CER1: variants seen among roughly 807,000 people sequenced by gnomAD.
CER1 encodes cerberus.
In CER1, 10 loss-of-function variants were observed where a neutral mutation model predicts 11.8. The observed-to-expected ratio is 0.85, with a 90% CI of 0.52 to 1.44. CER1 has a LOEUF of 1.44. Among genes scored for constraint, CER1 ranks in the 40% most tolerant of loss-of-function variants. The pLI is 0.00. For synonymous variants in CER1, 141 were observed against 122.3 expected, an observed-to-expected ratio of 1.15 and a Z score of -1.01; for missense variants, 431 against 327.0, an observed-to-expected ratio of 1.32 and a Z score of -2.45.
chr9:14,720,348 C>A lies in CER1; in HGVS notation c.546G>T (p.Gln182His), dbSNP rs372214721. ...THEGCEKVVV[Q>H]NNLCFGKCGS... is the part of the protein sequence containing the mutation. ...CGCATTTCCCAAAGCAAAGGTTGTT[C>A]TGAACAACTACTTTTTCACAGCCTT... is the stretch of plus-strand genomic sequence containing the variant. Residue 182 changes from glutamine (Q) to histidine (H), a missense_variant, in exon 2 of 2, where the codon CAG becomes CAT. Physicochemically the swap from Gln to His is conservative, Grantham distance 24. Transcript: ENST00000380911. The A allele has an allele frequency of 8.7e-6, 14 of 1,613,430 alleles. No homozygotes were observed. In the African/African-American group the frequency reaches 1.3e-4, roughly 15 times the overall value.
downstream of CER1, among the ~76,000 whole-genome samples, chr9:14,719,399 A>C (rs1839972860): frequency 6.6e-6 from 1 of 152,218 alleles, no homozygotes; most frequent in Non-Finnish European, 1.5e-5. Context: ...GTTACTCCTT[A>C]CATCTGTGGA....
Position 14,722,644 on chromosome 9 carries a change from A to G in CER1, c.29T>C (p.Val10Ala). The change falls in exon 1 of 2, where the codon GTA becomes GCA. Residue 10 changes from valine to alanine, a missense_variant. Coordinates refer to ENST00000380911, the MANE Select transcript of CER1 (RefSeq NM_005454.3). Reference sequence around the variant, plus strand: ...TGTGGTCTTTCCTAGAGGCAGGAGTACCAGCAGCTGAAATAAGAGGAGATG... The same window carrying G: ...TGTGGTCTTTCCTAGAGGCAGGAGTGCCAGCAGCTGAAATAAGAGGAGATG... MHLLLFQLL[V>A]LLPLGKTTRH... The G allele has an allele frequency of 6.2e-7, 1 of 1,602,838 alleles. No individual in the cohort carries two copies. The highest frequency in any genetic ancestry group is 8.5e-7 in the Non-Finnish European group (1 of 1,179,796).
In CER1 at chr9:14,721,034, A is replaced by G. The variant is rs2131790881; in HGVS notation, c.508-648T>C. Among the ~76,000 whole-genome samples, 3 of 152,354 alleles carry G rather than the reference A, an allele frequency of 2.0e-5. No homozygotes were observed. The South Asian group carries it at 6.2e-4, about 32-fold the overall frequency. On this transcript the variant is annotated intron_variant, in intron 1 of 1. Coordinates refer to ENST00000380911, the MANE Select transcript of CER1 (RefSeq NM_005454.3). ...AATTTAATTAGCAATAGAATTCAAAAGAAGAATTTCAAAAGAAATTTGATT... is the reference window on the plus strand; with the variant it reads ...AATTTAATTAGCAATAGAATTCAAAGGAAGAATTTCAAAAGAAATTTGATT...
downstream of CER1, among the ~76,000 whole-genome samples, chr9:14,718,062 T>G (rs1237613731): frequency 6.6e-6 from 1 of 152,186 alleles, no homozygotes; most frequent in African/African-American, 2.4e-5. Context: ...TAAAAATGAT[T>G]GAATATGAGC....
chr9:14,722,073 G>C (rs1381785550), intron 1 of CER1, 93 bp downstream of exon 1: 10 of 1,401,088 alleles, frequency 7.1e-6, no homozygotes, highest in Non-Finnish European at 9.7e-6. Context: ...GCTAGAGTCA[G>C]GCTCCTGACA....
At chr9:14,718,576 T>C (rs1200986329), downstream of CER1, among the ~76,000 whole-genome samples, 2 of 152,084 alleles carry the variant, frequency 1.3e-5, no homozygotes, top group African/African-American at 2.4e-5. Flanking sequence ...TTAGATGGTG[T>C]GATTAAAGAG....
At chr9:14,719,553 G>GCATT (rs1252679801), downstream of CER1, among the ~76,000 whole-genome samples, 1,137 of 124,558 alleles carry the variant, frequency 9.1e-3, 18 homozygotes, top group East Asian at 0.016. Flanking sequence ...CTGCCTGCCT[G>GCATT]CCTGCCTGCC....
chr9:14,717,612 C>T (rs908132859), downstream of CER1, among the ~76,000 whole-genome samples: 7 of 152,178 alleles, frequency 4.6e-5, no homozygotes, highest in Middle Eastern at 3.4e-3. Flanking sequence ...TGAGGACCAA[C>T]GGAGTCAAGG....
In CER1 at chr9:14,720,288, G is replaced by C. The variant is rs780114954; in HGVS notation, c.606C>G (p.Ser202=). 1 of 1,613,960 alleles carries C rather than the reference G, an allele frequency of 6.2e-7. No individual in the cohort carries two copies. Among genetic ancestry groups the C allele is most frequent in the Non-Finnish European group, 8.5e-7 (1 of 1,180,034 alleles). ...SVHFPGAAQH[S]HTSCSHCLPA... ...GCAAACAGTGAGAGCAGGAGGTATG[G>C]GAGTGCTGCGCGGCTCCAGGAAAAT... The change falls in exon 2 of 2, where the codon TCC becomes TCG. Residue 202 remains serine (S), a synonymous_variant. Transcript: ENST00000380911.
rs148175446 is a variant in CER1, at chr9:14,722,217, G to C, written c.456C>G (p.Ile152Met). 6 of 1,614,226 alleles carry C rather than the reference G, an allele frequency of 3.7e-6. No homozygotes were observed. Among genetic ancestry groups the C allele is most frequent in the Non-Finnish European group, 5.1e-6 (6 of 1,180,044 alleles). The change falls in exon 1 of 2, where the codon ATC (isoleucine) becomes ATG (methionine). Residue 152 changes from isoleucine (I) to methionine (M), a missense_variant. Physicochemically the swap from Ile to Met is conservative, Grantham distance 10 (BLOSUM62 1). Coordinates refer to ENST00000380911, the MANE Select transcript of CER1 (RefSeq NM_005454.3). Reference sequence around the variant, plus strand: ...TCTCCCAATGTACTTCATGGCTTTTGATGGGCAAGATGACCCCCTGAGAAG... The same window carrying C: ...TCTCCCAATGTACTTCATGGCTTTTCATGGGCAAGATGACCCCCTGAGAAG... ...TPASQGVILP[I>M]KSHEVHWETC...
chr9:14,719,599 CTTCCTTCCTTCCTTCCTTCT>C (rs1563780056), downstream of CER1: 6 of 121,126 alleles, frequency 5.0e-5, no homozygotes, highest in African/African-American at 9.4e-5. Context: ...TCCTTCCTTC[CTTCCTTCCTTCCTTCCTTCT>C]TTCCTTCCTT....
rs1192898657 is a variant in CER1 at position 14,722,497 on chromosome 9, G to A, written c.176C>T (p.Ala59Val). 1 of 1,614,080 alleles carries A rather than the reference G, an allele frequency of 6.2e-7. No homozygotes were observed. Among genetic ancestry groups the A allele is most frequent in the African/African-American group, 1.3e-5 (1 of 74,918 alleles). The change falls in exon 1 of 2, where the codon GCA (alanine) becomes GTA (valine). Residue 59 changes from alanine (A) to valine (V), a missense_variant. Ala to Val is a moderately conservative substitution (Grantham distance 64). Coordinates refer to ENST00000380911, the MANE Select transcript of CER1 (RefSeq NM_005454.3). ...GCTGGTGGCTACAAGGTGTGGCACT[G>A]CGACAAACAGATCTGGCTTCTCCTC... ...EAEEKPDLFVAVPHLVATSPA... is the reference protein window; with the variant it reads ...EAEEKPDLFVVVPHLVATSPA...
chr9:14,720,160 G>A lies in CER1; in HGVS notation c.734C>T (p.Thr245Met), dbSNP rs75590551. The A allele has an allele frequency of 3.6e-4, 577 of 1,614,094 alleles. 1 individual carries two copies. The African/African-American group carries it at 6.4e-3, about 18-fold the overall frequency. ...TAGGATGTGTCCATCTTCATGCTCCGTCTTCACCTTGCACTGGCACTCCTC... is the reference window on the plus strand; with the variant it reads ...TAGGATGTGTCCATCTTCATGCTCCATCTTCACCTTGCACTGGCACTCCTC... ...LVEECQCKVK[T>M]EHEDGHILHA... The change falls in exon 2 of 2, where the codon ACG (threonine) becomes ATG (methionine). Residue 245 changes from threonine to methionine, a missense_variant. Physicochemically the swap from Thr to Met is moderately conservative, Grantham distance 81. Coordinates refer to ENST00000380911, the MANE Select transcript of CER1 (RefSeq NM_005454.3).
Position 14,722,020 on chromosome 9 carries a change from C to T in CER1, c.507+146G>A, listed in dbSNP as rs1244617580. The T allele has an allele frequency of 5.4e-6, 5 of 928,196 alleles. No individual in the cohort carries two copies. The Admixed American group carries it at 8.1e-5, about 15-fold the overall frequency. The allele number at this position is 928,196 out of a possible 1,614,324, so 57.5% of individuals were successfully genotyped here. A position where few individuals can be genotyped will look rare whatever the true frequency, so the allele number is the denominator to read the frequency against. On this transcript the variant is annotated intron_variant, in intron 1 of 1. Coordinates refer to ENST00000380911, the MANE Select transcript of CER1 (RefSeq NM_005454.3). The stretch of plus-strand genomic sequence containing the variant: ...AGGCCAGAAGGAAACTTAATCTTTG[C>T]CAAATCCTATGATGAATGCCCAAGG...
downstream of CER1, among the ~76,000 whole-genome samples, chr9:14,719,139 A>C (rs938473300): frequency 6.6e-6 from 1 of 152,202 alleles, no homozygotes. Context: ...CATGTGAGTA[A>C]ATAATTTTGC....
chr9:14,717,641 C>T (rs1446267589), downstream of CER1, among the ~76,000 whole-genome samples: 6 of 152,122 alleles, frequency 3.9e-5, no homozygotes. Flanking sequence ...GGCCGATAAC[C>T]TGACCTAGAG....
downstream of CER1, among the ~76,000 whole-genome samples, chr9:14,718,224 G>A (rs972769837): frequency 1.3e-5 from 2 of 152,148 alleles, no homozygotes; most frequent in Non-Finnish European, 2.9e-5. Flanking sequence ...GAGTCTATTT[G>A]CAAGGATGGA....
rs769923905 is a variant in CER1, at chr9:14,720,219, T to C, written c.675A>G (p.Glu225=). 28 of 1,614,044 alleles carry C rather than the reference T, an allele frequency of 1.7e-5. No homozygotes were observed. Among genetic ancestry groups the C allele is most frequent in the Non-Finnish European group, 2.3e-5 (27 of 1,180,022 alleles). ...TTMHLPLNCT[E]LSSVIKVVML... is the part of the protein sequence containing the mutation. ...TCACCACCTTGATCACGGAGGAAAG[T>C]TCAGTGCAGTTCAGTGGCAAGTGCA... is the stretch of plus-strand genomic sequence containing the variant. The change falls in exon 2 of 2, where the codon GAA becomes GAG. Residue 225 remains glutamate, a synonymous_variant. Transcript: ENST00000380911.
At position 14,720,033 on chromosome 9, in the gene CER1, A is replaced by T; in HGVS notation, c.*57T>A. 1 of 1,529,904 alleles carries T rather than the reference A, an allele frequency of 6.5e-7. No individual in the cohort carries two copies. The highest frequency in any genetic ancestry group is 9.0e-7 in the Non-Finnish European group (1 of 1,108,922). 94.8% of individuals were successfully genotyped at this position (1,529,904 alleles called of 1,614,324 possible). On this transcript the variant is annotated 3_prime_UTR_variant, in exon 2 of 2. Coordinates refer to ENST00000380911, the MANE Select transcript of CER1 (RefSeq NM_005454.3). ...CCCACTTAACATTTTCAGACTGAAT[A>T]ATCAGCATCTTTGCTGTTGTGGTTT...
Sources: allele counts gnomAD v4.1 joint callset (sites outside exome capture counted in the v4.1 genomes callset), GRCh38; gene constraint gnomAD v4.1.1; transcripts MANE v1.5; gene names NCBI Gene and HGNC (gene_info 2026-07-23, HGNC 2026-07-21).